The following CDK14 variants were observed in gnomAD, a reference collection of about 807,000 sequenced individuals.
CDK14 encodes cyclin-dependent kinase 14.
In CDK14, 34 loss-of-function variants were observed where a neutral mutation model predicts 60.7. The ratio of observed to expected loss-of-function variants is 0.56; its 90% CI spans 0.43 to 0.75. The LOEUF (loss-of-function observed/expected upper bound fraction) is 0.75, where lower values mean the gene tolerates loss of function less well. Ranked by LOEUF, CDK14 falls within the 30% of genes least tolerant of loss-of-function variation. The pLI is 0.00. For missense variants in CDK14, 482 were observed against 564.1 expected, an observed-to-expected ratio of 0.85 and a Z score of 1.47; for synonymous variants, 197 against 203.7, an observed-to-expected ratio of 0.97 and a Z score of 0.28.
rs1216133521 is a variant in CDK14 at position 91,208,189 on chromosome 7, T to G, written c.*1053T>G. Reference sequence around the variant, plus strand: ...AACATTCCAAGCCAATTGGAAGACATCATTGGGTTCTTACTTTAAGACATC... The same window carrying G: ...AACATTCCAAGCCAATTGGAAGACAGCATTGGGTTCTTACTTTAAGACATC... On this transcript the variant is annotated 3_prime_UTR_variant, in exon 15 of 15. Transcript: ENST00000380050. The G allele has an allele frequency of 6.6e-6, 1 of 152,642 alleles. No individual in the cohort carries two copies. The highest frequency in any genetic ancestry group is 1.5e-5 in the Non-Finnish European group (1 of 68,042). 9.5% of individuals were successfully genotyped at this position (152,642 alleles called of 1,614,324 possible). A position where few individuals can be genotyped will look rare whatever the true frequency, so the allele number is the denominator to read the frequency against.
At chr7:91,104,477 C>T (rs1435547672) in intron 12 of CDK14, among the ~76,000 whole-genome samples, 1 of 152,156 alleles carries the variant, frequency 6.6e-6, no homozygotes, top group Non-Finnish European at 1.5e-5. Context: ...CTAAATGGCT[C>T]CATCTTCTGA....
intron 2 of CDK14, among the ~76,000 whole-genome samples, chr7:90,677,677 A>C (rs1286958650): frequency 7.2e-6 from 1 of 139,092 alleles, no homozygotes; most frequent in Non-Finnish European, 1.6e-5. Context: ...GAATAGGAGG[A>C]GGAAAGCCTA....
intron 2 of CDK14, among the ~76,000 whole-genome samples, chr7:90,707,569 T>C (rs1359320556): frequency 6.6e-6 from 1 of 152,186 alleles, no homozygotes; most frequent in Non-Finnish European, 1.5e-5. Flanking sequence ...AATGGCAACT[T>C]CATATAGGAT....
chr7:90,841,598 A>ACAG (rs1790291699), intron 5 of CDK14, among the ~76,000 whole-genome samples: 2 of 151,546 alleles, frequency 1.3e-5, no homozygotes, highest in African/African-American at 4.8e-5. Flanking sequence ...GCACTTACCT[A>ACAG]CAGCAGCACT....
At chr7:91,157,392 G>A (rs1325867218) in intron 14 of CDK14, among the ~76,000 whole-genome samples, 1 of 152,110 alleles carries the variant, frequency 6.6e-6, no homozygotes. Flanking sequence ...GTGTGTCCAT[G>A]GACAAGTGAC....
At chr7:90,771,367 C>T (rs182734632) in intron 4 of CDK14, among the ~76,000 whole-genome samples, 76 of 152,236 alleles carry the variant, frequency 5.0e-4, no homozygotes, top group African/African-American at 1.5e-3. Context: ...CAGAGTTTGG[C>T]GAGCAGGAGG....
At chr7:90,844,173 A>G (rs1790387635) in intron 5 of CDK14, among the ~76,000 whole-genome samples, 2 of 152,228 alleles carry the variant, frequency 1.3e-5, no homozygotes, top group Non-Finnish European at 1.5e-5. Context: ...AGCTAGTTGC[A>G]TAGGCACATA....
intron 10 of CDK14, among the ~76,000 whole-genome samples, chr7:91,020,606 A>G (rs1796408540): frequency 6.6e-6 from 1 of 152,192 alleles, no homozygotes; most frequent in South Asian, 2.1e-4. Context: ...GCCACTGTTA[A>G]CAGTTTGGTG....
chr7:90,835,954 A>G (rs1245803556), intron 5 of CDK14, among the ~76,000 whole-genome samples: 3 of 152,190 alleles, frequency 2.0e-5, no homozygotes, highest in African/African-American at 7.2e-5. Flanking sequence ...AAGTATTTGT[A>G]TATCTAAATG....
At chr7:90,956,518 A>T (rs1178748027) in intron 9 of CDK14, among the ~76,000 whole-genome samples, 1 of 152,192 alleles carries the variant, frequency 6.6e-6, no homozygotes, top group Non-Finnish European at 1.5e-5. Context: ...TGTTGAACAT[A>T]TCTTTTATTA....
intron 2 of CDK14, chr7:90,709,875 G>T: frequency 1.5e-6 from 2 of 1,344,586 alleles, no homozygotes; most frequent in Non-Finnish European, 1.9e-6. Flanking sequence ...TGCTGTATGA[G>T]CCTGGCCTGG....
chr7:90,723,465 A>G (rs905933144), intron 2 of CDK14, among the ~76,000 whole-genome samples: 3 of 152,158 alleles, frequency 2.0e-5, no homozygotes, highest in Non-Finnish European at 4.4e-5. Flanking sequence ...GGGCTGCCTC[A>G]TGGCATGGCA....
intron 2 of CDK14, among the ~76,000 whole-genome samples, chr7:90,707,301 T>A (rs1801919446): frequency 6.6e-6 from 1 of 152,170 alleles, no homozygotes; most frequent in Non-Finnish European, 1.5e-5. Flanking sequence ...ATTTTCCCTT[T>A]CCATAGACTT....
intron 2 of CDK14, among the ~76,000 whole-genome samples, chr7:90,663,864 C>T (rs1197546972): frequency 6.6e-6 from 1 of 152,092 alleles, no homozygotes; most frequent in Non-Finnish European, 1.5e-5. Context: ...AAATTTTACA[C>T]TTTTCACATA....
intron 5 of CDK14, among the ~76,000 whole-genome samples, chr7:90,804,175 G>T (rs1788742836): frequency 6.6e-6 from 1 of 152,218 alleles, no homozygotes; most frequent in South Asian, 2.1e-4. Context: ...AAATTTTTCA[G>T]TCTTGATGGA....
intron 12 of CDK14, among the ~76,000 whole-genome samples, chr7:91,111,653 G>A (rs1799471083): frequency 6.6e-6 from 1 of 152,124 alleles, no homozygotes; most frequent in Non-Finnish European, 1.5e-5. Flanking sequence ...AATAGCAATT[G>A]TTACCTTCTC....
chr7:90,691,243 G>C (rs1238535346), intron 2 of CDK14, among the ~76,000 whole-genome samples: 1 of 152,062 alleles, frequency 6.6e-6, no homozygotes, highest in Non-Finnish European at 1.5e-5. Context: ...ACTTAGCCGT[G>C]AAGGGAGGCA....
chr7:90,894,506 G>A (rs1414651438), intron 6 of CDK14, among the ~76,000 whole-genome samples: 4 of 152,140 alleles, frequency 2.6e-5, no homozygotes, highest in African/African-American at 9.7e-5. Flanking sequence ...CTCATTTCTA[G>A]AGATGATCTT....
intron 9 of CDK14, 27 bp downstream of exon 9, chr7:90,955,844 TAATCTA>T: frequency 6.2e-7 from 1 of 1,610,816 alleles, no homozygotes; most frequent in East Asian, 2.2e-5. Context: ...TTACTCTAGC[TAATCTA>T]TCTGTAGTGC....
Sources: allele counts gnomAD v4.1 joint callset (sites outside exome capture counted in the v4.1 genomes callset), GRCh38; gene constraint gnomAD v4.1.1; transcripts MANE v1.5; gene names NCBI Gene and HGNC (gene_info 2026-07-23, HGNC 2026-07-21).